The following ABCC4 variants were observed in gnomAD, a reference collection of about 807,000 sequenced individuals.
ABCC4 encodes ATP-binding cassette sub-family C member 4.
In ABCC4, 102 loss-of-function variants were observed where a neutral mutation model predicts 168.5. That is an observed-to-expected ratio of 0.61 (90% CI 0.52 to 0.71). The LOEUF (loss-of-function observed/expected upper bound fraction) is 0.71. Among genes scored for constraint, ABCC4 ranks in the 30% least tolerant of loss-of-function variants. The pLI, the probability that ABCC4 is intolerant of heterozygous loss-of-function variation, is 0.00. For synonymous variants in ABCC4, 617 were observed against 590.7 expected, an observed-to-expected ratio of 1.04 and a Z score of -0.65; for missense variants, 1,402 against 1,605.8, an observed-to-expected ratio of 0.87 and a Z score of 2.17.
chr13:95,025,224 C>CATAT (rs1491140082), intron 30 of ABCC4, among the ~76,000 whole-genome samples: 1 of 38,478 alleles, frequency 2.6e-5, no homozygotes, highest in East Asian at 9.2e-4. Flanking sequence ...CACACACCCC[C>CATAT]ACACACACCC....
Position 95,078,811 on chromosome 13 carries a change from C to T in ABCC4, c.2687-3260G>A, listed in dbSNP as rs377656069. Among the ~76,000 whole-genome samples the T allele has an allele frequency of 2.0e-3, 305 of 152,246 alleles. 2 individuals are homozygous for T. The highest frequency in any genetic ancestry group is 0.011 in the South Asian group (55 of 4,814). The stretch of plus-strand genomic sequence containing the variant: ...GAACGCGTCCATCATATAGAGAATG[C>T]CACTGAGAAGGAAGGAGATGTGGCA... On this transcript the variant is annotated intron_variant, in intron 21 of 30. Transcript: ENST00000645237.
At chr13:95,181,589 G>A (rs904569880) in intron 11 of ABCC4, among the ~76,000 whole-genome samples, 2 of 152,322 alleles carry the variant, frequency 1.3e-5, no homozygotes, top group African/African-American at 4.8e-5. Context: ...TTGCTCCACA[G>A]GTCAGCTCCT....
At chr13:95,136,073 T>C (rs1206295715) in intron 19 of ABCC4, among the ~76,000 whole-genome samples, 2 of 152,206 alleles carry the variant, frequency 1.3e-5, no homozygotes, top group East Asian at 3.9e-4. Flanking sequence ...TTGGATATAA[T>C]TTAATATAAA....
intron 19 of ABCC4, among the ~76,000 whole-genome samples, chr13:95,130,818 C>T (rs755807576): frequency 1.6e-4 from 25 of 152,142 alleles, no homozygotes; most frequent in Admixed American, 3.9e-4. Flanking sequence ...CTCCCGTGTG[C>T]CTACAAAGAA....
chr13:95,276,432 A>T, intron 1 of ABCC4, among the ~76,000 whole-genome samples: 1 of 151,174 alleles, frequency 6.6e-6, no homozygotes, highest in East Asian at 1.9e-4. Flanking sequence ...AAAAAAAAAA[A>T]AGTGAACGAA....
chr13:95,108,905 C>T (rs1040020007), intron 20 of ABCC4, among the ~76,000 whole-genome samples: 1 of 152,110 alleles, frequency 6.6e-6, no homozygotes, highest in Admixed American at 6.5e-5. Flanking sequence ...CTTCTTTGCA[C>T]GGCTGTTTCC....
At chr13:95,203,823 A>AC (rs1324777972) in intron 8 of ABCC4, among the ~76,000 whole-genome samples, 2 of 151,442 alleles carry the variant, frequency 1.3e-5, no homozygotes, top group African/African-American at 2.4e-5. Context: ...GGACCCTCAC[A>AC]CCCCCCTTGA....
At chr13:95,147,679 A>C (rs2036545320) in intron 19 of ABCC4, among the ~76,000 whole-genome samples, 1 of 152,206 alleles carries the variant, frequency 6.6e-6, no homozygotes, top group South Asian at 2.1e-4. Context: ...TTTTAAAAAT[A>C]ATGTAAGTTT....
At chr13:95,110,189 A>G (rs575948321) in intron 20 of ABCC4, among the ~76,000 whole-genome samples, 24 of 151,836 alleles carry the variant, frequency 1.6e-4, no homozygotes, top group African/African-American at 5.6e-4. Flanking sequence ...GGTGCCTGTA[A>G]TCTCAGCTAC....
At position 95,286,477 on chromosome 13, in the gene ABCC4, C is replaced by T. The variant is rs117595397; in HGVS notation, c.74+14764G>A. Among the ~76,000 whole-genome samples the T allele has an allele frequency of 8.9e-3, 1,351 of 152,080 alleles. 37 individuals carry two copies. The highest frequency in any genetic ancestry group is 0.083 in the East Asian group (429 of 5,148). On this transcript the variant is annotated intron_variant, in intron 1 of 30. Coordinates refer to ENST00000645237, the MANE Select transcript of ABCC4 (RefSeq NM_005845.5). The stretch of plus-strand genomic sequence containing the variant: ...CACCTTATTATTTTCCAAGTACTTC[C>T]ATAGATAGTGGCCCACTTCTGAGTA...
At chr13:95,300,227 C>T (rs2041640258) in intron 1 of ABCC4, among the ~76,000 whole-genome samples, 1 of 152,204 alleles carries the variant, frequency 6.6e-6, no homozygotes, top group Non-Finnish European at 1.5e-5. Flanking sequence ...GCCCTCCCAG[C>T]TCAGGAGCCC....
intron 21 of ABCC4, among the ~76,000 whole-genome samples, chr13:95,082,762 C>T (rs2034138177): frequency 1.3e-5 from 2 of 152,092 alleles, no homozygotes; most frequent in Non-Finnish European, 2.9e-5. Context: ...TATTTTCCTT[C>T]TATATTAGTT....
At chr13:95,212,883 T>C (rs1238788408) in intron 4 of ABCC4, among the ~76,000 whole-genome samples, 1 of 152,026 alleles carries the variant, frequency 6.6e-6, no homozygotes, top group Non-Finnish European at 1.5e-5. Context: ...ATCCCAGCAC[T>C]TTGGGAGGCT....
intron 11 of ABCC4, among the ~76,000 whole-genome samples, chr13:95,178,335 G>A (rs1490395649): frequency 6.6e-6 from 1 of 152,190 alleles, no homozygotes; most frequent in Non-Finnish European, 1.5e-5. Context: ...TTTATGCACT[G>A]AGCCATTTTA....
intron 10 of ABCC4, 61 bp from the exon 11 acceptor site, chr13:95,186,953 G>C: frequency 7.1e-7 from 1 of 1,415,354 alleles, no homozygotes. Flanking sequence ...ATAAGCCACT[G>C]CAATGCAGCC....
Position 95,164,525 on chromosome 13 carries a change from A to G in ABCC4, c.2035-7T>C. ...TAACTGGGACATTCTCTGTCTGCAG[A>G]GGAAAAAAGGTGGTAAGAGACAAAA... On this transcript the variant is annotated splice_region_variant and splice_polypyrimidine_tract_variant and intron_variant, in intron 15 of 30. Transcript: ENST00000645237. 1 of 1,614,042 alleles carries G rather than the reference A, an allele frequency of 6.2e-7. No individual in the cohort carries two copies.
At chr13:95,277,762 C>A (rs963551785) in intron 1 of ABCC4, among the ~76,000 whole-genome samples, 2 of 152,102 alleles carry the variant, frequency 1.3e-5, no homozygotes, top group Non-Finnish European at 2.9e-5. Flanking sequence ...AATGCACTTA[C>A]AGAAAAATCC....
Position 95,020,570 on chromosome 13 carries a change from C to T in ABCC4, c.*1005G>A, listed in dbSNP as rs1449899548. 6.6e-6 allele frequency: 1 copy of T among 152,364 alleles called. No homozygotes were observed. The highest frequency in any genetic ancestry group is 1.5e-5 in the Non-Finnish European group (1 of 68,030). 9.4% of individuals were successfully genotyped at this position (152,364 alleles called of 1,614,324 possible). On this transcript the variant is annotated 3_prime_UTR_variant, in exon 31 of 31. Transcript: ENST00000645237. The stretch of plus-strand genomic sequence containing the variant: ...CATGAAAATGAACCCCTGGATGCAT[C>T]CTGAGAACGTACTGCATAATTATAG...
chr13:95,127,707 A>G, intron 19 of ABCC4, among the ~76,000 whole-genome samples: 1 of 152,094 alleles, frequency 6.6e-6, no homozygotes, highest in Non-Finnish European at 1.5e-5. Flanking sequence ...TGGTGATCTC[A>G]TGCCCTTGTG....
Sources: allele counts gnomAD v4.1 joint callset (sites outside exome capture counted in the v4.1 genomes callset), GRCh38; gene constraint gnomAD v4.1.1; transcripts MANE v1.5; gene names NCBI Gene and HGNC (gene_info 2026-07-23, HGNC 2026-07-21).